The following UQCRH variants were observed in gnomAD, a reference collection of about 807,000 sequenced individuals.
The protein encoded by UQCRH is ubiquinol-cytochrome c reductase hinge protein, also known as cytochrome b-c1 complex subunit 6, mitochondrial.
A neutral mutation model predicts 16.3 loss-of-function variants in UQCRH; 14 were observed. That is an observed-to-expected ratio of 0.86 (90% confidence interval 0.57 to 1.34). The LOEUF (loss-of-function observed/expected upper bound fraction) is 1.34. Ranked by LOEUF, UQCRH falls within the 40% of genes most tolerant of loss-of-function variation. The probability of loss-of-function intolerance (pLI) is 0.00; values close to 1 mark genes in which losing one functional copy is unlikely to be tolerated. For synonymous variants in UQCRH, 41 were observed against 41.9 expected (o/e 0.98, Z 0.08); for missense variants, 89 against 111.9 (o/e 0.80, Z 0.92).
At chr1:46,309,641 G>C (rs1192830614) in intron 2 of UQCRH, 2 of 191,614 alleles carry the variant, frequency 1.0e-5, no homozygotes, top group Non-Finnish European at 2.1e-5. Context: ...TTGCGCTCCA[G>C]CCTGGGCAAC....
intron 3 of UQCRH, among the ~76,000 whole-genome samples, chr1:46,312,664 G>A (rs1404246892): frequency 6.6e-6 from 1 of 151,862 alleles, no homozygotes; most frequent in Non-Finnish European, 1.5e-5. Context: ...AGGAGTTTAA[G>A]ACCAGCCTGG....
chr1:46,311,975 G>T (rs902270639), intron 3 of UQCRH, among the ~76,000 whole-genome samples: 1 of 151,254 alleles, frequency 6.6e-6, no homozygotes. Flanking sequence ...TGTCACCCAG[G>T]CTGGAGTGCA....
chr1:46,314,028 A>AT (rs1213960221), intron 3 of UQCRH, among the ~76,000 whole-genome samples: 2 of 152,138 alleles, frequency 1.3e-5, no homozygotes, highest in African/African-American at 2.4e-5. Flanking sequence ...AGATGCAAAG[A>AT]TTTTTTTAAA....
chr1:46,306,491 A>G (rs896178082), intron 1 of UQCRH, among the ~76,000 whole-genome samples: 12 of 147,476 alleles, frequency 8.1e-5, no homozygotes, highest in African/African-American at 2.5e-4. Flanking sequence ...CTCCTGCCTC[A>G]GTCTCCCGAG....
intron 3 of UQCRH, among the ~76,000 whole-genome samples, chr1:46,311,983 G>A (rs999192848): frequency 1.3e-5 from 2 of 151,002 alleles, no homozygotes; most frequent in East Asian, 2.0e-4. Context: ...AGGCTGGAGT[G>A]CAGTGGCACA....
intron 2 of UQCRH, chr1:46,309,912 TC>T: frequency 7.1e-7 from 1 of 1,417,922 alleles, no homozygotes; most frequent in Admixed American, 2.9e-5. Flanking sequence ...ACTGAGGCTT[TC>T]AGTGCATACT....
intron 1 of UQCRH, among the ~76,000 whole-genome samples, chr1:46,304,521 G>A (rs1039869866): frequency 1.3e-5 from 2 of 151,982 alleles, no homozygotes; most frequent in Non-Finnish European, 1.5e-5. Context: ...AGGTAGCTGG[G>A]ACTACAGGTG....
At chr1:46,309,435 T>C (rs1661427425) in intron 2 of UQCRH, 9 of 329,160 alleles carry the variant, frequency 2.7e-5, no homozygotes, top group Admixed American at 9.2e-5. Flanking sequence ...CTCGTGCCTG[T>C]AATCTCAGCA....
chr1:46,308,881 T>C (rs988308905), intron 1 of UQCRH, among the ~76,000 whole-genome samples: 4 of 152,190 alleles, frequency 2.6e-5, no homozygotes, highest in African/African-American at 9.7e-5. Context: ...ATGAAAGGTA[T>C]GCTCGCAGGC....
At chr1:46,304,719 G>A (rs994190303) in intron 1 of UQCRH, among the ~76,000 whole-genome samples, 1 of 152,128 alleles carries the variant, frequency 6.6e-6, no homozygotes, top group Non-Finnish European at 1.5e-5. Flanking sequence ...TTCCTATGAA[G>A]TAAGTGTTGG....
At position 46,310,327 on chromosome 1, in the gene UQCRH, G is replaced by A. The variant is rs368398364; in HGVS notation, c.243+11G>A. On this transcript the variant is annotated intron_variant, in intron 3 of 3. Transcript: ENST00000311672. ...GCGAGGGACCATTGCGTAAGTCAGT[G>A]GGAAGTCAGGAAGGGGAAAGGTTGC... 8 of 1,613,908 alleles carry A rather than the reference G, an allele frequency of 5.0e-6. No individual in the cohort carries two copies. Among genetic ancestry groups the A allele is most frequent in the Non-Finnish European group, 6.8e-6 (8 of 1,179,934 alleles).
chr1:46,310,026 C>T lies in UQCRH; in HGVS notation c.82-129C>T. Reference sequence around the variant, plus strand: ...CATTTCTGGCGGCAGTGTGGCTCTGCCAGCTGGCCTTCTGCACGGTAATTC... The same window carrying T: ...CATTTCTGGCGGCAGTGTGGCTCTGTCAGCTGGCCTTCTGCACGGTAATTC... On this transcript the variant is annotated intron_variant, in intron 2 of 3. Coordinates refer to ENST00000311672, the MANE Select transcript of UQCRH (RefSeq NM_006004.4). The T allele has an allele frequency of 2.6e-6, 4 of 1,524,684 alleles. No homozygotes were observed. The South Asian group carries it at 3.7e-5, about 14-fold the overall frequency. The allele number at this position is 1,524,684 out of a possible 1,614,324, so 94.4% of individuals were successfully genotyped here.
chr1:46,305,298 CAAAAAAAAAAAAA>C (rs11444271), intron 1 of UQCRH, among the ~76,000 whole-genome samples: 1 of 65,006 alleles, frequency 1.5e-5, no homozygotes, highest in Non-Finnish European at 2.8e-5. Flanking sequence ...GACCCTGTCT[CAAAAAAAAAAAAA>C]AAAAAAAAAA....
Position 46,303,797 on chromosome 1 carries a change from A to C in UQCRH, c.31A>C (p.Thr11Pro), listed in dbSNP as rs1011538086. 2 of 1,614,168 alleles carry C rather than the reference A, an allele frequency of 1.2e-6. No homozygotes were observed. The highest frequency in any genetic ancestry group is 1.7e-6 in the Non-Finnish European group (2 of 1,180,030). ...ACTGGAGGACGAGCAAAAGATGCTT[A>C]CCGAATCCGGAGATCCTGAGGAGGT... MGLEDEQKML[T>P]ESGDPEEEEE... Residue 11 changes from threonine (T) to proline (P), a missense_variant, in exon 1 of 4, where the codon ACC becomes CCC. Transcript: ENST00000311672.
chr1:46,310,318 T>C lies in UQCRH; in HGVS notation c.243+2T>C. 6.2e-7 allele frequency: 1 copy of C among 1,614,068 alleles called. No individual in the cohort carries two copies. Among genetic ancestry groups the C allele is most frequent in the Non-Finnish European group, 8.5e-7 (1 of 1,179,998 alleles). Reference sequence around the variant, plus strand: ...TTCTTGCATGCGAGGGACCATTGCGTAAGTCAGTGGGAAGTCAGGAAGGGG... The same window carrying C: ...TTCTTGCATGCGAGGGACCATTGCGCAAGTCAGTGGGAAGTCAGGAAGGGG... On this transcript the variant is annotated splice_donor_variant, in intron 3 of 3. Transcript: ENST00000311672. LOFTEE classifies it high-confidence loss of function.
Position 46,316,650 on chromosome 1 carries a change from G to C in UQCRH, c.*66G>C. 6.2e-7 allele frequency: 1 copy of C among 1,602,568 alleles called. No individual in the cohort carries two copies. The highest frequency in any genetic ancestry group is 8.5e-7 in the Non-Finnish European group (1 of 1,176,128). ...ATCAGAATATTTCCTTATGGTTTTG[G>C]ATGTACCATTTGTTTCTTATTTGTG... On this transcript the variant is annotated 3_prime_UTR_variant, in exon 4 of 4. Transcript: ENST00000311672.
At chr1:46,308,367 G>T (rs925464930) in intron 1 of UQCRH, among the ~76,000 whole-genome samples, 5 of 152,196 alleles carry the variant, frequency 3.3e-5, no homozygotes, top group African/African-American at 1.2e-4. Context: ...CAGCACCTTG[G>T]TTTCTATGGG....
At chr1:46,313,641 A>G (rs1197223639) in intron 3 of UQCRH, among the ~76,000 whole-genome samples, 1 of 146,714 alleles carries the variant, frequency 6.8e-6, no homozygotes, top group Non-Finnish European at 1.5e-5. Flanking sequence ...AAAAATATAG[A>G]CAGATAGATA....
chr1:46,305,535 A>G (rs947507499), intron 1 of UQCRH, among the ~76,000 whole-genome samples: 1 of 149,830 alleles, frequency 6.7e-6, no homozygotes, highest in Non-Finnish European at 1.5e-5. Flanking sequence ...CGGGTGGATC[A>G]GGAGGTCAGG....
Sources: allele counts gnomAD v4.1 joint callset (sites outside exome capture counted in the v4.1 genomes callset), GRCh38; gene constraint gnomAD v4.1.1; transcripts MANE v1.5; gene names NCBI Gene and HGNC (gene_info 2026-07-23, HGNC 2026-07-21).